The following NSD2 variants were observed in gnomAD, a reference collection of about 807,000 sequenced individuals.
The protein encoded by NSD2 is histone-lysine N-methyltransferase NSD2.
NSD2 carries 12 observed loss-of-function variants against 139.0 expected under a neutral mutation model. That is an observed-to-expected ratio of 0.09 (90% CI 0.06 to 0.14). The LOEUF (loss-of-function observed/expected upper bound fraction) is 0.14. Among genes scored for constraint, NSD2 ranks in the 10% least tolerant of loss-of-function variants. The probability of loss-of-function intolerance (pLI) is 1.00; values close to 1 mark genes in which losing one functional copy is unlikely to be tolerated. For synonymous variants in NSD2, 669 were observed against 648.7 expected (o/e 1.03, Z -0.48); for missense variants, 1,155 against 1,745.0 (o/e 0.66, Z 6.02).
chr4:1,922,633 T>C (rs1168999663), intron 5 of NSD2, among the ~76,000 whole-genome samples: 1 of 152,202 alleles, frequency 6.6e-6, no homozygotes, highest in African/African-American at 2.4e-5. Context: ...TTATTTAAAA[T>C]AGCAGTATTT....
intron 18 of NSD2, among the ~76,000 whole-genome samples, chr4:1,970,167 C>T (rs1288975457): frequency 6.6e-6 from 1 of 152,134 alleles, no homozygotes; most frequent in Non-Finnish European, 1.5e-5. Context: ...CATTGGGCGA[C>T]GTCGTAAGTA....
chr4:1,967,032 T>C (rs1372643928), intron 18 of NSD2, among the ~76,000 whole-genome samples: 1 of 152,024 alleles, frequency 6.6e-6, no homozygotes, highest in Non-Finnish European at 1.5e-5. Context: ...TTTAACTAGA[T>C]GGACTAGGAA....
chr4:1,871,981 G>T (rs1304880664), intron 1 of NSD2, among the ~76,000 whole-genome samples: 2 of 150,158 alleles, frequency 1.3e-5, no homozygotes, highest in African/African-American at 4.9e-5. Context: ...GAGCGGGTCG[G>T]GCCGGCCTTT....
chr4:1,874,399 C>T lies in NSD2; in HGVS notation c.-30+2857C>T, dbSNP rs143171304. 6.0e-3 allele frequency among the ~76,000 whole-genome samples: 920 copies of T among 152,292 alleles called. 9 individuals are homozygous for T. Among genetic ancestry groups the T allele is most frequent in the African/African-American group, 0.021 (875 of 41,566 alleles). On this transcript the variant is annotated intron_variant, in intron 1 of 21. Coordinates refer to ENST00000508803, the MANE Select transcript of NSD2 (RefSeq NM_001042424.3). ...ATAATTCATGGCTTTTTAATGGCCACTTGTGACCTTTCTCCCCTGTTGGGT... is the reference window on the plus strand; with the variant it reads ...ATAATTCATGGCTTTTTAATGGCCATTTGTGACCTTTCTCCCCTGTTGGGT...
At position 1,955,364 on chromosome 4, in the gene NSD2, G is replaced by T; in HGVS notation, c.2518+24G>T. On this transcript the variant is annotated intron_variant, in intron 13 of 21. Coordinates refer to ENST00000508803, the MANE Select transcript of NSD2 (RefSeq NM_001042424.3). This position sits in a 1 kb window ranked among gnomAD's most constrained non-coding sequence, Gnocchi z 4.7. ...AGGTGAGGGGCCTGGGGGTGTCTGC[G>T]GCACACGCCTCTCACACTCCCAGGA... 6.3e-7 allele frequency: 1 copy of T among 1,592,090 alleles called. No homozygotes were observed. Among genetic ancestry groups the T allele is most frequent in the Non-Finnish European group, 8.6e-7 (1 of 1,165,644 alleles).
chr4:1,925,487 C>T (rs757939635), intron 5 of NSD2, among the ~76,000 whole-genome samples: 2 of 149,844 alleles, frequency 1.3e-5, no homozygotes, highest in East Asian at 1.9e-4. Context: ...CAACCTCCTC[C>T]CCCCGGGTTC....
intron 16 of NSD2, among the ~76,000 whole-genome samples, chr4:1,959,014 G>C (rs1278670805): frequency 1.3e-5 from 2 of 152,146 alleles, no homozygotes; most frequent in African/African-American, 4.8e-5. Context: ...GCCTAGCACT[G>C]CTCCTCCTGG....
chr4:1,908,878 C>T (rs1041106400), intron 3 of NSD2, among the ~76,000 whole-genome samples: 2 of 152,080 alleles, frequency 1.3e-5, no homozygotes, highest in African/African-American at 4.8e-5. Flanking sequence ...CTCCTGGGCT[C>T]AGGTCATCTT....
At chr4:1,934,862 AAAAAAAAAAAAAAAAAATAT>A (rs1275261268) in intron 6 of NSD2, among the ~76,000 whole-genome samples, 113 of 93,928 alleles carry the variant, frequency 1.2e-3, no homozygotes, top group African/African-American at 5.1e-3. Context: ...AAAAAAAAAA[AAAAAAAAAAAAAAAAAATAT>A]ATATATATAT....
Position 1,973,219 on chromosome 4 carries a change from CAG to C in NSD2, c.3373-1643_3373-1642del, listed in dbSNP as rs1726680091. Among the ~76,000 whole-genome samples the C allele has an allele frequency of 6.6e-6, 1 of 152,156 alleles. No individual in the cohort carries two copies. The highest frequency in any genetic ancestry group is 2.4e-5 in the African/African-American group (1 of 41,426). On this transcript the variant is annotated intron_variant, in intron 18 of 21. Transcript: ENST00000508803. The surrounding 1 kb of genome is among the most constrained non-coding windows in gnomAD (Gnocchi z 5.5). ...TGTAAGTCAGTTAAGATAAATAAAA[CAG>C]GGTCAAGACATGGCGGGCAACCCAC... is the stretch of plus-strand genomic sequence containing the variant.
intron 1 of NSD2, among the ~76,000 whole-genome samples, chr4:1,886,761 C>G (rs2108687997): frequency 1.3e-5 from 2 of 152,152 alleles, no homozygotes; most frequent in Middle Eastern, 3.4e-3. Context: ...TCGCTTGAAC[C>G]TGGGGAGGTG....
intron 1 of NSD2, among the ~76,000 whole-genome samples, chr4:1,872,635 A>AGAGAGAGAGAGAGAGAGC (rs1179623184): frequency 1.3e-4 from 16 of 120,192 alleles, no homozygotes; most frequent in South Asian, 2.8e-4. Flanking sequence ...AGAGAGAGAG[A>AGAGAGAGAGAGAGAGAGC]GCGCGCAGAC....
At chr4:1,945,760 C>T in intron 9 of NSD2, 2 of 1,064,226 alleles carry the variant, frequency 1.9e-6, no homozygotes, top group Non-Finnish European at 2.3e-6. Flanking sequence ...TGACATCAGT[C>T]ACTGCGTCTG....
At chr4:1,923,904 A>T (rs1720505138) in intron 5 of NSD2, among the ~76,000 whole-genome samples, 1 of 152,188 alleles carries the variant, frequency 6.6e-6, no homozygotes, top group Non-Finnish European at 1.5e-5. Context: ...GTGTAGTTTG[A>T]AAAGGGCCAC....
intron 3 of NSD2, chr4:1,911,978 T>C (rs1267016997): frequency 1.0e-5 from 2 of 193,748 alleles, no homozygotes; most frequent in African/African-American, 4.7e-5. Flanking sequence ...TTTTCTTTAT[T>C]ATAAAAATGC....
In NSD2 at chr4:1,872,591, T is replaced by TGAGAGAGAGAGAGAGAGAGAGAGA. The variant is rs1200688066; in HGVS notation, c.-30+1071_-30+1094dup. Among the ~76,000 whole-genome samples the TGAGAGAGAGAGAGAGAGAGAGAGA allele has an allele frequency of 1.6e-3, 73 of 44,868 alleles. 2 individuals are homozygous for TGAGAGAGAGAGAGAGAGAGAGAGA. The highest frequency in any genetic ancestry group is 3.8e-3 in the East Asian group (3 of 790). 29.4% of individuals were successfully genotyped at this position (44,868 alleles called of 152,430 possible). A position where few individuals can be genotyped will look rare whatever the true frequency, so the allele number is the denominator to read the frequency against. ...GTGTGTGTGTGTGTGTGTGTGTGTG[T>TGAGAGAGAGAGAGAGAGAGAGAGA]GAGAGAGAGAGAGAGAGAGAGAGAG... is the stretch of plus-strand genomic sequence containing the variant. On this transcript the variant is annotated intron_variant, in intron 1 of 21. Coordinates refer to ENST00000508803, the MANE Select transcript of NSD2 (RefSeq NM_001042424.3).
intron 1 of NSD2, among the ~76,000 whole-genome samples, chr4:1,900,315 CAAGTT>C (rs1365492335): frequency 1.3e-5 from 2 of 152,138 alleles, no homozygotes; most frequent in Non-Finnish European, 2.9e-5. Flanking sequence ...GGATGATTGG[CAAGTT>C]AAGTTATGTG....
At position 1,948,079 on chromosome 4, in the gene NSD2, A is replaced by C; in HGVS notation, c.1882-2993A>C. 1 of 1,058,400 alleles carries C rather than the reference A, an allele frequency of 9.4e-7. No homozygotes were observed. Among genetic ancestry groups the C allele is most frequent in the East Asian group, 5.2e-5 (1 of 19,238 alleles). 65.6% of individuals were successfully genotyped at this position (1,058,400 alleles called of 1,614,324 possible). A position where few individuals can be genotyped will look rare whatever the true frequency, so the allele number is the denominator to read the frequency against. On this transcript the variant is annotated intron_variant, in intron 9 of 21. Coordinates refer to ENST00000508803, the MANE Select transcript of NSD2 (RefSeq NM_001042424.3). The surrounding 1 kb of genome is among the most constrained non-coding windows in gnomAD (Gnocchi z 4.5). The stretch of plus-strand genomic sequence containing the variant: ...TGCATTCCCTGCCCTGAAGGAATGT[A>C]TTTCTAAGGCAAATAGGCAACTTGG...
At chr4:1,931,509 G>A (rs1353272085) in intron 6 of NSD2, among the ~76,000 whole-genome samples, 1 of 151,900 alleles carries the variant, frequency 6.6e-6, no homozygotes, top group Non-Finnish European at 1.5e-5. Flanking sequence ...ACATATTAGG[G>A]TATCAATTTA....
Sources: allele counts gnomAD v4.1 joint callset (sites outside exome capture counted in the v4.1 genomes callset), GRCh38; gene constraint gnomAD v4.1.1; non-coding constraint Gnocchi (gnomAD v3.1); transcripts MANE v1.5; gene names NCBI Gene and HGNC (gene_info 2026-07-23, HGNC 2026-07-21).